RPL31: variants seen among roughly 807,000 people sequenced by gnomAD.
RPL31 encodes the protein ribosomal protein L31.
For synonymous variants in RPL31, 51 were observed against 55.0 expected (o/e 0.93, Z 0.32); for missense variants, 95 against 164.0 (o/e 0.58, Z 2.30).
At chr2:101,007,909 A>T (rs1573841632), downstream of RPL31, 7 of 1,614,014 alleles carry the variant, frequency 4.3e-6, no homozygotes, top group East Asian at 1.6e-4. Flanking sequence ...GGCATTTTCA[A>T]GTTTGGATTT....
chr2:101,007,900 G>A (rs1678857184), downstream of RPL31: 1 of 1,613,896 alleles, frequency 6.2e-7, no homozygotes, highest in Non-Finnish European at 8.5e-7. Flanking sequence ...ATTGATCTTG[G>A]CATTTTCAAG....
intron 3 of RPL31, chr2:101,005,312 ACT>A (rs1381047832): frequency 6.5e-6 from 1 of 152,698 alleles, no homozygotes; most frequent in African/African-American, 2.4e-5. Context: ...AGTTTTTAAC[ACT>A]GTTTTTTGTT....
chr2:101,008,324 A>ATTTT, downstream of RPL31: 1 of 1,188,046 alleles, frequency 8.4e-7, no homozygotes, highest in Non-Finnish European at 1.1e-6. Flanking sequence ...TGGAAGTGTC[A>ATTTT]TTTTTTTTTT....
At chr2:101,017,198 C>T (rs1237455795) in intron 4 of RPL31, among the ~76,000 whole-genome samples, 1 of 152,066 alleles carries the variant, frequency 6.6e-6, no homozygotes, top group Non-Finnish European at 1.5e-5. Context: ...GGCAATAACA[C>T]ACACAAAGCT....
chr2:101,002,428 G>A (rs1166819376), intron 1 of RPL31, 113 bp downstream of exon 1: 2 of 470,692 alleles, frequency 4.2e-6, no homozygotes, highest in East Asian at 7.8e-5. Flanking sequence ...CTCCGGTTGT[G>A]GGGAGATGGG....
chr2:101,007,804 T>C (rs199637281), downstream of RPL31: 7 of 1,609,980 alleles, frequency 4.3e-6, no homozygotes, highest in East Asian at 4.5e-5. Flanking sequence ...CCAGTGTGCA[T>C]AGCAGCTGCT....
chr2:101,015,658 C>T (rs993159606), intron 4 of RPL31, among the ~76,000 whole-genome samples: 2 of 152,164 alleles, frequency 1.3e-5, no homozygotes, highest in African/African-American at 2.4e-5. Flanking sequence ...CATCACGCTA[C>T]GTGACTTCAA....
At chr2:101,007,711 G>A (rs1395322111), downstream of RPL31, 17 of 1,104,430 alleles carry the variant, frequency 1.5e-5, no homozygotes, top group Non-Finnish European at 2.1e-5. Flanking sequence ...TTAGCCAGAT[G>A]CCCCATTGGT....
chr2:101,017,644 G>T (rs1423435289), intron 4 of RPL31, among the ~76,000 whole-genome samples: 3 of 152,294 alleles, frequency 2.0e-5, no homozygotes, highest in Non-Finnish European at 4.4e-5. Context: ...ACCATGCTGT[G>T]CAAAGATCTT....
chr2:101,016,751 A>G (rs1394900147), intron 4 of RPL31, among the ~76,000 whole-genome samples: 1 of 152,222 alleles, frequency 6.6e-6, no homozygotes, highest in African/African-American at 2.4e-5. Flanking sequence ...GCCATAAAAA[A>G]TGATGAGTTC....
At position 101,002,559 on chromosome 2, in the gene RPL31, G is replaced by T. The variant is rs543231233; in HGVS notation, c.1-143G>T. 2.2e-3 allele frequency: 1,487 copies of T among 670,796 alleles called. 20 individuals are homozygous for T. Among genetic ancestry groups the T allele is most frequent in the Non-Finnish European group, 2.3e-4 (88 of 378,964 alleles). 41.6% of individuals were successfully genotyped at this position (670,796 alleles called of 1,614,324 possible). On this transcript the variant is annotated intron_variant, in intron 1 of 4. Transcript: ENST00000264258. ...CTGAGGGGCGCAGGGGCGCGGGTGC[G>T]TGGGCCACTGGGTGACCGACTTAGC...
At chr2:101,012,167 AAGTT>A (rs1558617010), downstream of RPL31, among the ~76,000 whole-genome samples, 1 of 152,244 alleles carries the variant, frequency 6.6e-6, no homozygotes, top group Non-Finnish European at 1.5e-5. Context: ...GTTTTTAAAA[AAGTT>A]AAAGTTACCA....
In RPL31 at chr2:101,002,767, C is replaced by T. The variant is rs775150131; in HGVS notation, c.66C>T (p.Thr22=). Residue 22 remains threonine, a synonymous_variant, in exon 2 of 5, where the codon ACC becomes ACT. Transcript: ENST00000264258. ...KGRSAINEVV[T]REYTINIHKR... Reference sequence around the variant, plus strand: ...GTTCTGCCATCAACGAAGTGGTAACCCGAGAATACACCATCAACATTCACA... The same window carrying T: ...GTTCTGCCATCAACGAAGTGGTAACTCGAGAATACACCATCAACATTCACA... 1.9e-6 allele frequency: 3 copies of T among 1,613,992 alleles called. No homozygotes were observed. In the African/African-American group the frequency reaches 4.0e-5, roughly 22 times the overall value.
downstream of RPL31, chr2:101,007,975 G>A: frequency 6.2e-7 from 1 of 1,614,018 alleles, no homozygotes; most frequent in Non-Finnish European, 8.5e-7. Flanking sequence ...CAGAAGTGAA[G>A]CTAAAATATG....
downstream of RPL31, among the ~76,000 whole-genome samples, chr2:101,011,821 T>A (rs1046880165): frequency 6.6e-6 from 1 of 152,134 alleles, no homozygotes; most frequent in Admixed American, 6.5e-5. Flanking sequence ...TAATACTGAT[T>A]TGGAAAAAAT....
At chr2:101,004,125 CCTTT>C in intron 2 of RPL31, 29 bp from the exon 3 acceptor site, 1 of 1,606,654 alleles carries the variant, frequency 6.2e-7, no homozygotes, top group Non-Finnish European at 8.5e-7. Context: ...GTTTTGTGCT[CCTTT>C]AATTTGTTCA....
chr2:101,002,616 C>T, intron 1 of RPL31, 86 bp from the exon 2 acceptor site: 1 of 1,152,244 alleles, frequency 8.7e-7, no homozygotes, highest in Non-Finnish European at 1.3e-6. Context: ...GGAAGCGCCC[C>T]GAGAGTGACA....
downstream of RPL31, chr2:101,007,894 ATCT>A (rs777626945): frequency 6.2e-7 from 1 of 1,613,964 alleles, no homozygotes; most frequent in Admixed American, 1.7e-5. Context: ...GTACTGATTG[ATCT>A]TGGCATTTTC....
At chr2:101,007,868 C>A (rs779020109), downstream of RPL31, 1 of 1,611,158 alleles carries the variant, frequency 6.2e-7, no homozygotes, top group African/African-American at 1.4e-5. Flanking sequence ...TGGCTCATTT[C>A]AAAAGTTTTG....
Sources: allele counts gnomAD v4.1 joint callset (sites outside exome capture counted in the v4.1 genomes callset), GRCh38; gene constraint gnomAD v4.1.1; transcripts MANE v1.5; gene names NCBI Gene and HGNC (gene_info 2026-07-23, HGNC 2026-07-21).